SLC24A2: variants seen among roughly 807,000 people sequenced by gnomAD.
SLC24A2 encodes the protein solute carrier family 24 member 2.
Under a neutral mutation model 62.0 loss-of-function variants are expected in SLC24A2, and 36 were observed. The ratio of observed to expected loss-of-function variants is 0.58; its 90% CI spans 0.44 to 0.77. The LOEUF is 0.77. Ranked by LOEUF, SLC24A2 falls within the 30% of genes least tolerant of loss-of-function variation. SLC24A2 has a pLI of 0.00. For missense variants in SLC24A2, 846 were observed against 817.9 expected (o/e 1.03, Z -0.42); for synonymous variants, 358 against 294.0 (o/e 1.22, Z -2.23).
chr9:19,607,264 C>A (rs987319869), intron 4 of SLC24A2, among the ~76,000 whole-genome samples: 9 of 152,208 alleles, frequency 5.9e-5, no homozygotes, highest in Admixed American at 2.6e-4. Context: ...GCATCTGTGA[C>A]AGCTGCTTTT....
the SLC24A2 span, among the ~76,000 whole-genome samples, chr9:20,143,214 A>G: frequency 1.3e-5 from 2 of 152,126 alleles, no homozygotes; most frequent in East Asian, 3.9e-4. Flanking sequence ...AGAGAAAACT[A>G]TTTGTCCAGT....
At chr9:19,902,964 C>T in the SLC24A2 span, among the ~76,000 whole-genome samples, 1 of 151,852 alleles carries the variant, frequency 6.6e-6, no homozygotes, top group Non-Finnish European at 1.5e-5. Flanking sequence ...TTACTCTAGG[C>T]AAAGTGAGGA....
chr9:20,298,193 G>A, the SLC24A2 span, among the ~76,000 whole-genome samples: 25 of 152,298 alleles, frequency 1.6e-4, no homozygotes, highest in South Asian at 5.2e-3. Context: ...TATGTCCATT[G>A]TGAGTGTGAG....
At chr9:20,293,801 G>T in the SLC24A2 span, among the ~76,000 whole-genome samples, 1 of 152,104 alleles carries the variant, frequency 6.6e-6, no homozygotes, top group Non-Finnish European at 1.5e-5. Flanking sequence ...TCCTCCTAGA[G>T]ATATTTGAAG....
At chr9:20,154,466 A>G in the SLC24A2 span, among the ~76,000 whole-genome samples, 6 of 151,768 alleles carry the variant, frequency 4.0e-5, no homozygotes, top group Non-Finnish European at 5.9e-5. Flanking sequence ...CTAGATGCGA[A>G]AGAAATGCAG....
the SLC24A2 span, among the ~76,000 whole-genome samples, chr9:20,254,372 G>A: frequency 6.6e-6 from 1 of 152,148 alleles, no homozygotes; most frequent in African/African-American, 2.4e-5. Flanking sequence ...CTGTGTGCCA[G>A]GCTCTGTGCT....
intron 5 of SLC24A2, among the ~76,000 whole-genome samples, chr9:19,585,823 A>C (rs1000911224): frequency 7.2e-5 from 11 of 152,156 alleles, no homozygotes; most frequent in Admixed American, 3.3e-4. Flanking sequence ...TCATATGGTT[A>C]CCCACGTGTG....
At chr9:19,697,161 A>C (rs939598809) in intron 2 of SLC24A2, among the ~76,000 whole-genome samples, 1 of 152,224 alleles carries the variant, frequency 6.6e-6, no homozygotes, top group Non-Finnish European at 1.5e-5. Flanking sequence ...AAGAACCTAC[A>C]CAAGTGATTG....
intron 2 of SLC24A2, among the ~76,000 whole-genome samples, chr9:19,649,983 T>C (rs1019121336): frequency 6.6e-6 from 1 of 152,232 alleles, no homozygotes; most frequent in Non-Finnish European, 1.5e-5. Flanking sequence ...AAAAGCAGAC[T>C]GCGGGGTTGA....
chr9:19,557,408 G>A (rs866220458), intron 7 of SLC24A2, among the ~76,000 whole-genome samples: 1 of 152,232 alleles, frequency 6.6e-6, no homozygotes, highest in Non-Finnish European at 1.5e-5. Flanking sequence ...ATGAGCCGAA[G>A]GCGGTGGTTC....
At chr9:20,263,125 C>G in the SLC24A2 span, among the ~76,000 whole-genome samples, 2 of 152,186 alleles carry the variant, frequency 1.3e-5, no homozygotes, top group African/African-American at 4.8e-5. Context: ...TAACCCATTT[C>G]AAAACTCATG....
chr9:20,300,678 G>A, the SLC24A2 span, among the ~76,000 whole-genome samples: 1 of 152,058 alleles, frequency 6.6e-6, no homozygotes, highest in Non-Finnish European at 1.5e-5. Flanking sequence ...AAACGGCCCT[G>A]GTTTTAAATA....
At chr9:20,215,768 G>A in the SLC24A2 span, among the ~76,000 whole-genome samples, 1 of 151,714 alleles carries the variant, frequency 6.6e-6, no homozygotes, top group Non-Finnish European at 1.5e-5. Flanking sequence ...CCACCCCTGA[G>A]GTAGAGAACC....
chr9:19,644,249 A>G (rs990092426), intron 2 of SLC24A2, among the ~76,000 whole-genome samples: 10 of 152,212 alleles, frequency 6.6e-5, no homozygotes, highest in Admixed American at 6.5e-4. Flanking sequence ...CTGGAAGCCA[A>G]TAAATAAAGT....
Position 19,786,904 on chromosome 9 carries a change from T to G in SLC24A2, c.-38A>C, listed in dbSNP as rs1823192633. The G allele has an allele frequency of 6.2e-7, 1 of 1,601,190 alleles. No individual in the cohort carries two copies. Among genetic ancestry groups the G allele is most frequent in the Non-Finnish European group, 8.5e-7 (1 of 1,179,506 alleles). On this transcript the variant is annotated 5_prime_UTR_variant, in exon 2 of 11. Transcript: ENST00000341998. This position sits in a 1 kb window ranked among gnomAD's most constrained non-coding sequence, Gnocchi z 5.0. ...GGTGGATATGGTGATCTTCCAACTT[T>G]AGACTCAACCAGATGGTTCTTTCAT...
At chr9:19,636,281 C>CTT (rs768881798) in intron 2 of SLC24A2, among the ~76,000 whole-genome samples, 2,096 of 73,162 alleles carry the variant, frequency 0.029, 264 homozygotes, top group African/African-American at 0.052. Context: ...TTCTTCTCTT[C>CTT]TTCTCTTCTT....
At chr9:19,959,338 G>C in the SLC24A2 span, among the ~76,000 whole-genome samples, 5 of 152,174 alleles carry the variant, frequency 3.3e-5, no homozygotes, top group Non-Finnish European at 5.9e-5. Context: ...ATGCCAGATG[G>C]ACATGGCTTT....
chr9:20,087,031 GATTA>G, the SLC24A2 span, among the ~76,000 whole-genome samples: 10 of 152,176 alleles, frequency 6.6e-5, no homozygotes, highest in Non-Finnish European at 2.9e-5. Flanking sequence ...TGGCTGTGAA[GATTA>G]TATTTTCCAT....
At chr9:20,272,183 C>T in the SLC24A2 span, among the ~76,000 whole-genome samples, 3 of 152,136 alleles carry the variant, frequency 2.0e-5, no homozygotes, top group Non-Finnish European at 4.4e-5. Context: ...AAGAATAAAC[C>T]AGTAATTTGG....
Sources: gnomAD v4.1 joint callset for allele counts (sites outside exome capture counted in the v4.1 genomes callset) on GRCh38, gnomAD v4.1.1 for gene constraint, Gnocchi (gnomAD v3.1) non-coding constraint, MANE v1.5 for transcripts, NCBI Gene and HGNC (gene_info 2026-07-23, HGNC 2026-07-21) for gene names.